The following KCNQ5 variants were observed in gnomAD, a reference collection of about 807,000 sequenced individuals.
KCNQ5 encodes potassium voltage-gated channel subfamily KQT member 5.
KCNQ5 carries 30 observed loss-of-function variants against 98.2 expected under a neutral mutation model. The observed-to-expected ratio is 0.31, with a 90% CI of 0.23 to 0.41. KCNQ5 has a LOEUF of 0.41. Ranked by LOEUF, KCNQ5 falls within the 10% of genes least tolerant of loss-of-function variation. The pLI, the probability that KCNQ5 is intolerant of heterozygous loss-of-function variation, is 1.00. For synonymous variants in KCNQ5, 458 were observed against 449.4 expected (o/e 1.02, Z -0.24); for missense variants, 835 against 1,182.5 (o/e 0.71, Z 4.31).
intron 1 of KCNQ5, among the ~76,000 whole-genome samples, chr6:72,712,725 A>G (rs1769430636): frequency 6.6e-6 from 1 of 152,290 alleles, no homozygotes. Flanking sequence ...TGAAAGCTCA[A>G]TAATTTTTTG....
chr6:73,138,213 A>T (rs774645691), intron 10 of KCNQ5, among the ~76,000 whole-genome samples: 1 of 152,180 alleles, frequency 6.6e-6, no homozygotes, highest in Non-Finnish European at 1.5e-5. Flanking sequence ...GATGCAAAAG[A>T]TAGTGTCAGA....
chr6:72,835,364 C>G (rs1414707667), intron 1 of KCNQ5, among the ~76,000 whole-genome samples: 1 of 152,074 alleles, frequency 6.6e-6, no homozygotes, highest in Non-Finnish European at 1.5e-5. Flanking sequence ...CATAATCTGG[C>G]TAATTAAATA....
At chr6:72,894,874 A>G (rs1160384186) in intron 1 of KCNQ5, among the ~76,000 whole-genome samples, 1 of 152,110 alleles carries the variant, frequency 6.6e-6, no homozygotes, top group Non-Finnish European at 1.5e-5. Flanking sequence ...TAGGAAGTAA[A>G]TAACATAGCC....
chr6:73,187,245 G>A lies in KCNQ5; in HGVS notation c.1578-3328G>A, dbSNP rs569130271. ...CAGCTAATTTTTTGTATTTTTAGTA[G>A]AGATGGGGTTTCACCGTGTTAGCCA... On this transcript the variant is annotated intron_variant, in intron 11 of 13. Coordinates refer to ENST00000370398, the MANE Select transcript of KCNQ5 (RefSeq NM_019842.4). Among the ~76,000 whole-genome samples, 358 of 152,106 alleles carry A rather than the reference G, an allele frequency of 2.4e-3. 1 individual carries two copies. Among genetic ancestry groups the A allele is most frequent in the African/African-American group, 7.9e-3 (329 of 41,502 alleles).
At chr6:72,706,960 A>G (rs2154474880) in intron 1 of KCNQ5, among the ~76,000 whole-genome samples, 1 of 152,324 alleles carries the variant, frequency 6.6e-6, no homozygotes, top group South Asian at 2.1e-4. Flanking sequence ...CCAGTATTAT[A>G]CTTTTAAGGA....
intron 5 of KCNQ5, among the ~76,000 whole-genome samples, chr6:73,087,304 G>C (rs994009935): frequency 2.0e-5 from 3 of 152,172 alleles, no homozygotes; most frequent in Non-Finnish European, 4.4e-5. Flanking sequence ...TAGATTCCGT[G>C]GGGGGAGTGA....
intron 1 of KCNQ5, among the ~76,000 whole-genome samples, chr6:72,653,155 C>T (rs1225283062): frequency 6.6e-6 from 1 of 151,596 alleles, no homozygotes; most frequent in Non-Finnish European, 1.5e-5. Context: ...TTTCACTTGC[C>T]ACATTTTCTG....
At chr6:72,950,601 T>C (rs1231204836) in intron 1 of KCNQ5, among the ~76,000 whole-genome samples, 3 of 152,144 alleles carry the variant, frequency 2.0e-5, no homozygotes, top group African/African-American at 7.2e-5. Flanking sequence ...ATTCACCTGG[T>C]GACAGTGATG....
chr6:72,964,738 G>A (rs185159239), intron 1 of KCNQ5, among the ~76,000 whole-genome samples: 1 of 152,042 alleles, frequency 6.6e-6, no homozygotes, highest in African/African-American at 2.4e-5. Flanking sequence ...CACTAAAAAT[G>A]TATTTATGAG....
intron 1 of KCNQ5, among the ~76,000 whole-genome samples, chr6:72,669,317 A>C (rs929118207): frequency 1.3e-5 from 2 of 152,244 alleles, no homozygotes; most frequent in African/African-American, 4.8e-5. Context: ...GAAGGAATGA[A>C]GGGGTGATGG....
intron 1 of KCNQ5, among the ~76,000 whole-genome samples, chr6:72,836,377 T>G (rs1416191862): frequency 2.6e-5 from 4 of 152,168 alleles, no homozygotes; most frequent in African/African-American, 9.7e-5. Context: ...CTAAAATTTT[T>G]TATTGTATTT....
At chr6:72,721,807 G>A (rs1235530418) in intron 1 of KCNQ5, among the ~76,000 whole-genome samples, 1 of 152,148 alleles carries the variant, frequency 6.6e-6, no homozygotes, top group African/African-American at 2.4e-5. Context: ...TGGCCAAGGA[G>A]GGCTATCAGG....
intron 1 of KCNQ5, among the ~76,000 whole-genome samples, chr6:72,896,353 T>A (rs971978187): frequency 6.6e-6 from 1 of 152,120 alleles, no homozygotes; most frequent in Non-Finnish European, 1.5e-5. Context: ...ATTTACCTAG[T>A]AAATTGTATT....
At chr6:72,934,522 C>A (rs1253085887) in intron 1 of KCNQ5, among the ~76,000 whole-genome samples, 1 of 152,084 alleles carries the variant, frequency 6.6e-6, no homozygotes, top group East Asian at 1.9e-4. Context: ...TATATAGATC[C>A]CTAGACAAAA....
At chr6:72,841,466 T>A (rs934884894) in intron 1 of KCNQ5, among the ~76,000 whole-genome samples, 5 of 152,130 alleles carry the variant, frequency 3.3e-5, no homozygotes, top group Non-Finnish European at 5.9e-5. Flanking sequence ...AGGATATTGA[T>A]GACAACTGGA....
In KCNQ5 at chr6:72,894,352, C is replaced by A. The variant is rs113958485; in HGVS notation, c.399-109556C>A. ...TGATGTTTTCTCATTTCTCTGCCGG[C>A]ATTCAGCCCAACAGCTGTCACTGTA... On this transcript the variant is annotated intron_variant, in intron 1 of 13. Transcript: ENST00000370398. 5.0e-3 allele frequency among the ~76,000 whole-genome samples: 766 copies of A among 152,300 alleles called. 19 individuals are homozygous for A. The South Asian group carries it at 0.07, about 14-fold the overall frequency.
intron 1 of KCNQ5, among the ~76,000 whole-genome samples, chr6:72,949,247 A>G (rs1031012296): frequency 2.0e-5 from 3 of 152,188 alleles, no homozygotes; most frequent in African/African-American, 7.2e-5. Context: ...GTGGAAAAAT[A>G]ATTTCCTCTT....
intron 1 of KCNQ5, among the ~76,000 whole-genome samples, chr6:72,650,805 G>T (rs1023108671): frequency 8.6e-5 from 13 of 152,020 alleles, no homozygotes; most frequent in Middle Eastern, 3.2e-3. Flanking sequence ...TAGCCTTCAC[G>T]TGGTTTTAGT....
At chr6:72,798,213 A>C (rs567792815) in intron 1 of KCNQ5, among the ~76,000 whole-genome samples, 28 of 152,246 alleles carry the variant, frequency 1.8e-4, no homozygotes, top group African/African-American at 6.7e-4. Context: ...ATGTCCAGAT[A>C]CTTCTTATCT....
Sources: allele counts gnomAD v4.1 joint callset (sites outside exome capture counted in the v4.1 genomes callset), GRCh38; gene constraint gnomAD v4.1.1; transcripts MANE v1.5; gene names NCBI Gene and HGNC (gene_info 2026-07-23, HGNC 2026-07-21).